KIF5C: variants seen among roughly 807,000 people sequenced by gnomAD.
The protein encoded by KIF5C is kinesin family member 5C.
A neutral mutation model predicts 125.2 loss-of-function variants in KIF5C; 18 were observed. The ratio of observed to expected loss-of-function variants is 0.14; its 90% CI spans 0.10 to 0.21. The LOEUF is 0.21. Ranked by LOEUF, KIF5C falls within the 10% of genes least tolerant of loss-of-function variation. KIF5C has a pLI of 1.00. For synonymous variants in KIF5C, 405 were observed against 434.0 expected (o/e 0.93, Z 0.83); for missense variants, 780 against 1,183.8 (o/e 0.66, Z 5.01).
intron 22 of KIF5C, among the ~76,000 whole-genome samples, chr2:149,006,148 G>T (rs57737238): frequency 2.6e-5 from 4 of 152,166 alleles, no homozygotes; most frequent in African/African-American, 9.7e-5. Flanking sequence ...TTTAAGGAAG[G>T]AGTCTGTTTA....
intron 13 of KIF5C, among the ~76,000 whole-genome samples, chr2:148,979,620 T>C (rs1303306344): frequency 1.3e-5 from 2 of 152,180 alleles, no homozygotes; most frequent in East Asian, 3.8e-4. Flanking sequence ...TGCTGTGACC[T>C]GTTGTTTGAG....
At chr2:148,886,534 G>T (rs1681531822) in intron 1 of KIF5C, among the ~76,000 whole-genome samples, 1 of 152,172 alleles carries the variant, frequency 6.6e-6, no homozygotes, top group Non-Finnish European at 1.5e-5. Context: ...CCTAGGTGGT[G>T]CTTGGATACC....
At chr2:148,994,929 C>T (rs555524340) in intron 17 of KIF5C, among the ~76,000 whole-genome samples, 1 of 152,250 alleles carries the variant, frequency 6.6e-6, no homozygotes, top group South Asian at 2.1e-4. Context: ...TCTTGAACTC[C>T]TGACCTCGTG....
Position 148,942,694 on chromosome 2 carries a change from T to A in KIF5C, c.523T>A (p.Ser175Thr). The A allele has an allele frequency of 1.2e-6, 2 of 1,611,200 alleles. No individual in the cohort carries two copies. The highest frequency in any genetic ancestry group is 1.7e-6 in the Non-Finnish European group (2 of 1,178,956). ...YVKGCTERFV[S>T]SPEEVMDVID... ...CCAGGGGTGCACTGAGCGGTTTGTGTCGAGCCCTGAGGAAGTCATGGATGT... is the reference window on the plus strand; with the variant it reads ...CCAGGGGTGCACTGAGCGGTTTGTGACGAGCCCTGAGGAAGTCATGGATGT... The change falls in exon 7 of 26, where the codon TCG becomes ACG. Residue 175 changes from serine (S) to threonine (T), a missense_variant. By Grantham distance (58) the Ser-to-Thr change is moderately conservative (BLOSUM62 1). This residue lies in a region of KIF5C where 207 missense variants were observed against 441.2 expected (regional missense o/e 0.47). Coordinates refer to ENST00000435030, the MANE Select transcript of KIF5C (RefSeq NM_004522.3).
chr2:149,013,558 G>T (rs1432210175), intron 25 of KIF5C, among the ~76,000 whole-genome samples: 1 of 152,192 alleles, frequency 6.6e-6, no homozygotes, highest in East Asian at 1.9e-4. Context: ...GTTGAGGTGG[G>T]CAGCTGGCAT....
intron 10 of KIF5C, among the ~76,000 whole-genome samples, chr2:148,952,404 C>T (rs1450952812): frequency 6.6e-6 from 1 of 152,154 alleles, no homozygotes. Context: ...CAGCTGTCTA[C>T]AGGAAGCATT....
chr2:148,952,367 G>A (rs1682685259), intron 10 of KIF5C, among the ~76,000 whole-genome samples: 1 of 152,146 alleles, frequency 6.6e-6, no homozygotes, highest in Admixed American at 6.5e-5. Flanking sequence ...GTCACCTTGG[G>A]GCATTGCTGT....
At chr2:148,963,350 T>A (rs1346031768) in intron 11 of KIF5C, among the ~76,000 whole-genome samples, 2 of 152,148 alleles carry the variant, frequency 1.3e-5, no homozygotes, top group African/African-American at 2.4e-5. Context: ...TAATGCTGAC[T>A]GTAACTGCAG....
chr2:149,007,879 AT>A lies in KIF5C; in HGVS notation c.2446-74del, dbSNP rs377205711. On this transcript the variant is annotated intron_variant, in intron 22 of 25. Coordinates refer to ENST00000435030, the MANE Select transcript of KIF5C (RefSeq NM_004522.3). ...AGAATACCCTTTGGTGGGAATGGGG[AT>A]TTTTTTTTTCCATCCACATTATCCT... 4,405 of 1,148,410 alleles carry A rather than the reference AT, an allele frequency of 3.8e-3. 8 individuals carry two copies. The highest frequency in any genetic ancestry group is 0.018 in the African/African-American group (1,086 of 58,812). The allele number at this position is 1,148,410 out of a possible 1,614,324, so 71.1% of individuals were successfully genotyped here.
chr2:148,987,585 G>A (rs1006869095), intron 15 of KIF5C, among the ~76,000 whole-genome samples: 15 of 152,134 alleles, frequency 9.9e-5, no homozygotes, highest in African/African-American at 3.6e-4. Context: ...TGTATGACCA[G>A]GCGTTTCCAA....
intron 1 of KIF5C, among the ~76,000 whole-genome samples, chr2:148,892,958 C>T (rs1480921518): frequency 2.6e-5 from 4 of 152,112 alleles, no homozygotes; most frequent in Non-Finnish European, 5.9e-5. Context: ...CAGATGTAGA[C>T]TTTTACTTTC....
At chr2:148,974,845 C>T (rs1681019596) in intron 12 of KIF5C, among the ~76,000 whole-genome samples, 1 of 152,184 alleles carries the variant, frequency 6.6e-6, no homozygotes, top group South Asian at 2.1e-4. Context: ...TTTCTGTGCT[C>T]AGTTCTCTAT....
At chr2:148,968,167 T>G (rs1180863547) in intron 11 of KIF5C, among the ~76,000 whole-genome samples, 2 of 152,220 alleles carry the variant, frequency 1.3e-5, no homozygotes, top group African/African-American at 4.8e-5. Context: ...TTTCTTCTCT[T>G]GAATAATTGC....
At chr2:148,981,756 A>G (rs772359563) in intron 14 of KIF5C, among the ~76,000 whole-genome samples, 195 bp downstream of exon 14, 7 of 152,128 alleles carry the variant, frequency 4.6e-5, no homozygotes, top group Non-Finnish European at 1.0e-4. Flanking sequence ...CTGGAACTGC[A>G]TATCATGACT....
intron 1 of KIF5C, among the ~76,000 whole-genome samples, chr2:148,919,742 C>T (rs189949503): frequency 4.3e-4 from 66 of 152,228 alleles, no homozygotes; most frequent in East Asian, 1.5e-3. Context: ...CAATCTCTTC[C>T]GAGACTTTAA....
In KIF5C at chr2:148,957,923, T is replaced by C. The variant is rs182168763; in HGVS notation, c.969-4048T>C. Among the ~76,000 whole-genome samples, 250 of 151,484 alleles carry C rather than the reference T, an allele frequency of 1.7e-3. 1 individual carries two copies. The highest frequency in any genetic ancestry group is 3.0e-3 in the Non-Finnish European group (205 of 68,020). The stretch of plus-strand genomic sequence containing the variant: ...TAACTTCCATCAACATAGATTGTTA[T>C]TGCCTGTCTTTGAATTATTTGAAAA... On this transcript the variant is annotated intron_variant, in intron 10 of 25. Transcript: ENST00000435030.
chr2:148,939,190 G>A (rs141932665), intron 4 of KIF5C, among the ~76,000 whole-genome samples: 19 of 151,056 alleles, frequency 1.3e-4, no homozygotes, highest in African/African-American at 4.4e-4. Flanking sequence ...CTGACCAACC[G>A]CACATGCGAT....
chr2:148,897,728 G>A (rs896568835), intron 1 of KIF5C, among the ~76,000 whole-genome samples: 2 of 151,740 alleles, frequency 1.3e-5, no homozygotes, highest in African/African-American at 4.8e-5. Context: ...AGACCTGCCT[G>A]GCTGACATGG....
At chr2:149,000,566 C>A (rs1283246255) in intron 20 of KIF5C, 42 bp downstream of exon 20, 2 of 1,549,146 alleles carry the variant, frequency 1.3e-6, no homozygotes, top group African/African-American at 2.7e-5. Flanking sequence ...CTCTCATCCC[C>A]ATGATATTCT....
Sources: allele counts gnomAD v4.1 joint callset (sites outside exome capture counted in the v4.1 genomes callset), GRCh38; gene constraint gnomAD v4.1.1; regional missense constraint gnomAD v4.1.1; transcripts MANE v1.5; gene names NCBI Gene and HGNC (gene_info 2026-07-23, HGNC 2026-07-21).